Variants in SDCCAG8 observed in about 807,000 individuals in gnomAD.
The protein encoded by SDCCAG8 is serologically defined colon cancer antigen 8.
SDCCAG8 carries 74 observed loss-of-function variants against 101.8 expected under a neutral mutation model. The observed-to-expected ratio is 0.73, with a 90% confidence interval of 0.60 to 0.88. The LOEUF is 0.88. SDCCAG8 is among the 40% of genes least tolerant of loss of function. The pLI is 0.00. For missense variants in SDCCAG8, 787 were observed against 822.6 expected (o/e 0.96, Z 0.53); for synonymous variants, 281 against 292.9 (o/e 0.96, Z 0.41).
chr1:243,440,651 G>A (rs2082474152), intron 16 of SDCCAG8, among the ~76,000 whole-genome samples: 4 of 152,178 alleles, frequency 2.6e-5, no homozygotes, highest in Admixed American at 2.6e-4. Flanking sequence ...TTGAAATCTA[G>A]ACTCAGTCAA....
At chr1:243,470,486 T>C (rs1390075509) in intron 16 of SDCCAG8, among the ~76,000 whole-genome samples, 1 of 151,524 alleles carries the variant, frequency 6.6e-6, no homozygotes, top group Non-Finnish European at 1.5e-5. Flanking sequence ...TTTTCCTTTT[T>C]TTTTTTTTCT....
At chr1:243,363,016 T>C (rs1358761766) in intron 12 of SDCCAG8, among the ~76,000 whole-genome samples, 2 of 152,230 alleles carry the variant, frequency 1.3e-5, no homozygotes, top group Non-Finnish European at 2.9e-5. Context: ...TTGGATCCTC[T>C]TTTCAACATA....
chr1:243,320,759 G>T (rs1195796282), intron 9 of SDCCAG8, among the ~76,000 whole-genome samples: 1 of 152,134 alleles, frequency 6.6e-6, no homozygotes, highest in Non-Finnish European at 1.5e-5. Flanking sequence ...ACAAACCCAG[G>T]CAGGCACAAA....
chr1:243,392,615 C>T (rs900684057), intron 13 of SDCCAG8, among the ~76,000 whole-genome samples: 1 of 152,188 alleles, frequency 6.6e-6, no homozygotes, highest in African/African-American at 2.4e-5. Flanking sequence ...CAGTGAAAAT[C>T]GAGCCCAGAT....
At chr1:243,286,434 G>T in intron 5 of SDCCAG8, 37 bp downstream of exon 5, 1 of 1,609,766 alleles carries the variant, frequency 6.2e-7, no homozygotes, top group South Asian at 1.1e-5. Context: ...TTATTTTAGT[G>T]TGAATATTCC....
At chr1:243,323,864 C>G (rs1034798885) in intron 9 of SDCCAG8, among the ~76,000 whole-genome samples, 1 of 152,158 alleles carries the variant, frequency 6.6e-6, no homozygotes, top group Non-Finnish European at 1.5e-5. Flanking sequence ...CCATCTCTTT[C>G]CCTTGATTTA....
intron 9 of SDCCAG8, among the ~76,000 whole-genome samples, chr1:243,329,578 G>A (rs969537258): frequency 6.6e-6 from 1 of 152,164 alleles, no homozygotes; most frequent in Non-Finnish European, 1.5e-5. Context: ...GGAAAAGAGA[G>A]GTTGTGTGAG....
intron 13 of SDCCAG8, among the ~76,000 whole-genome samples, chr1:243,386,768 T>TGAGAGAGAGA (rs112662776): frequency 2.1e-5 from 3 of 143,478 alleles, no homozygotes; most frequent in African/African-American, 7.6e-5. Context: ...AGAAAGAAAG[T>TGAGAGAGAGA]GAGAGAGAGA....
At chr1:243,417,055 CATTA>C (rs1384606839) in intron 14 of SDCCAG8, among the ~76,000 whole-genome samples, 11 of 152,282 alleles carry the variant, frequency 7.2e-5, no homozygotes, top group Non-Finnish European at 1.3e-4. Context: ...ACAGGCAAGT[CATTA>C]AATAATCTAT....
intron 16 of SDCCAG8, among the ~76,000 whole-genome samples, chr1:243,481,944 C>T (rs1459851443): frequency 6.6e-6 from 1 of 152,214 alleles, no homozygotes; most frequent in East Asian, 1.9e-4. Context: ...AGGGGCTGGC[C>T]TGGAGAAGAA....
chr1:243,464,878 C>T (rs1419821281), intron 16 of SDCCAG8, among the ~76,000 whole-genome samples: 1 of 152,216 alleles, frequency 6.6e-6, no homozygotes, highest in Admixed American at 6.5e-5. Flanking sequence ...GTACATGTCA[C>T]AGGTGATTAC....
At chr1:243,295,835 TTA>T (rs1216012352) in intron 6 of SDCCAG8, among the ~76,000 whole-genome samples, 2 of 152,202 alleles carry the variant, frequency 1.3e-5, no homozygotes, top group African/African-American at 2.4e-5. Context: ...AGCACTGTGT[TTA>T]TGACTATTGG....
chr1:243,418,055 A>C lies in SDCCAG8; in HGVS notation c.1832A>C (p.Glu611Ala). ...EECCTLAKKL[E>A]QISQKTRSEI... Reference sequence around the variant, plus strand: ...TGCTGTACATTAGCCAAGAAACTGGAACAAATCTCTCAAAAAACCAGGTAG... The same window carrying C: ...TGCTGTACATTAGCCAAGAAACTGGCACAAATCTCTCAAAAAACCAGGTAG... The change falls in exon 15 of 18, where the codon GAA becomes GCA. Residue 611 changes from glutamate to alanine, a missense_variant. By Grantham distance (107) the Glu-to-Ala change is moderately radical. Transcript: ENST00000366541. The C allele has an allele frequency of 1.2e-5, 20 of 1,612,188 alleles. No individual in the cohort carries two copies. Among genetic ancestry groups the C allele is most frequent in the Non-Finnish European group, 1.6e-5 (19 of 1,178,552 alleles).
intron 16 of SDCCAG8, among the ~76,000 whole-genome samples, chr1:243,475,458 G>A (rs1396828141): frequency 1.3e-5 from 2 of 152,026 alleles, no homozygotes; most frequent in African/African-American, 4.8e-5. Context: ...CCTTCCCTCC[G>A]GCGCCTCTTA....
At chr1:243,316,664 C>A in intron 8 of SDCCAG8, 91 bp from the exon 9 acceptor site, 1 of 1,515,604 alleles carries the variant, frequency 6.6e-7, no homozygotes, top group Non-Finnish European at 9.1e-7. Flanking sequence ...CCTGGCTCTT[C>A]TAATACATAT....
chr1:243,401,446 T>C (rs1468821479), intron 13 of SDCCAG8, among the ~76,000 whole-genome samples: 1 of 152,218 alleles, frequency 6.6e-6, no homozygotes, highest in Non-Finnish European at 1.5e-5. Flanking sequence ...CGTTTCTTAC[T>C]AGAAACAAGT....
chr1:243,269,058 C>T (rs1353771861), intron 1 of SDCCAG8: 1 of 152,946 alleles, frequency 6.5e-6, no homozygotes, highest in African/African-American at 2.4e-5. Context: ...CCTCTCTCTT[C>T]CTCTCCACGT....
intron 16 of SDCCAG8, among the ~76,000 whole-genome samples, chr1:243,461,562 A>C (rs1659109680): frequency 6.6e-6 from 1 of 152,168 alleles, no homozygotes; most frequent in Non-Finnish European, 1.5e-5. Flanking sequence ...ATCTTCAAAA[A>C]ATTTGCACTG....
chr1:243,307,070 T>G (rs551848765), intron 7 of SDCCAG8, among the ~76,000 whole-genome samples: 87 of 151,850 alleles, frequency 5.7e-4, no homozygotes, highest in African/African-American at 2.0e-3. Flanking sequence ...TGTTTTTTTT[T>G]TTTTTGAAGT....
Sources: gnomAD v4.1 joint callset for allele counts (sites outside exome capture counted in the v4.1 genomes callset) on GRCh38, gnomAD v4.1.1 for gene constraint, MANE v1.5 for transcripts, NCBI Gene and HGNC (gene_info 2026-07-23, HGNC 2026-07-21) for gene names.